Variants in PLPPR4 observed in about 807,000 individuals in gnomAD.
The protein encoded by PLPPR4 is phospholipid phosphatase related 4.
In PLPPR4, 24 loss-of-function variants were observed where a neutral mutation model predicts 56.6. The observed-to-expected ratio is 0.42, with a 90% CI of 0.31 to 0.60. The LOEUF (loss-of-function observed/expected upper bound fraction) is 0.60. Among genes scored for constraint, PLPPR4 ranks in the 20% least tolerant of loss-of-function variants. The probability of loss-of-function intolerance (pLI) is 0.13; values close to 1 mark genes in which losing one functional copy is unlikely to be tolerated. For synonymous variants in PLPPR4, 326 were observed against 328.1 expected (o/e 0.99, Z 0.07); for missense variants, 654 against 885.8 (o/e 0.74, Z 3.32).
chr1:99,280,590 A>G (rs1659298732), intron 1 of PLPPR4, among the ~76,000 whole-genome samples: 1 of 152,198 alleles, frequency 6.6e-6, no homozygotes, highest in Non-Finnish European at 1.5e-5. Flanking sequence ...AACTATAATC[A>G]AAGGCAGACT....
chr1:99,279,251 A>G (rs1293751085), intron 1 of PLPPR4, among the ~76,000 whole-genome samples: 2 of 152,172 alleles, frequency 1.3e-5, no homozygotes, highest in Admixed American at 6.6e-5. Context: ...TGATCTAGAC[A>G]TTCATCAGGA....
chr1:99,266,206 C>T (rs544297952), intron 1 of PLPPR4, among the ~76,000 whole-genome samples: 28 of 152,244 alleles, frequency 1.8e-4, no homozygotes, highest in South Asian at 1.0e-3. Flanking sequence ...ATGGCTAATC[C>T]GTGTAGTTTT....
chr1:99,278,597 C>T (rs559309818), intron 1 of PLPPR4, among the ~76,000 whole-genome samples: 13 of 152,224 alleles, frequency 8.5e-5, no homozygotes, highest in African/African-American at 3.1e-4. Flanking sequence ...GAATAAAATG[C>T]TTTCCAAGAC....
chr1:99,300,161 G>C (rs566031133), intron 4 of PLPPR4, among the ~76,000 whole-genome samples: 1 of 151,738 alleles, frequency 6.6e-6, no homozygotes, highest in African/African-American at 2.4e-5. Context: ...TGTTGAATGG[G>C]GATCTTGTTT....
Position 99,284,368 on chromosome 1 carries a change from T to A in PLPPR4, c.79-3597T>A, listed in dbSNP as rs536995769. ...TATAATGAATATAATGAAGATTTTA[T>A]ACAAATAACTATTACAAACAAAATG... On this transcript the variant is annotated intron_variant, in intron 1 of 6. Coordinates refer to ENST00000370185, the MANE Select transcript of PLPPR4 (RefSeq NM_014839.5). Among the ~76,000 whole-genome samples the A allele has an allele frequency of 4.6e-5, 7 of 152,274 alleles. No homozygotes were observed. In the South Asian group the frequency reaches 1.4e-3, roughly 32 times the overall value.
At chr1:99,264,714 C>T (rs1658847751) in intron 1 of PLPPR4, 43 bp downstream of exon 1, 1 of 1,542,356 alleles carries the variant, frequency 6.5e-7, no homozygotes, top group Non-Finnish European at 8.8e-7. Context: ...ATCCTCTGGG[C>T]ATCTCCTGAG....
rs538981028 is a variant in PLPPR4 at position 99,305,870 on chromosome 1, C to A, written c.1008C>A (p.Ser336Arg). Residue 336 changes from serine (S) to arginine (R), a missense_variant, in exon 7 of 7, where the codon AGC (serine) becomes AGA (arginine). Physicochemically the swap from Ser to Arg is moderately radical, Grantham distance 110. Around this residue, in one of 2 missense-constraint regions of PLPPR4, gnomAD observed 468 missense variants for 554.3 expected, o/e 0.84. Coordinates refer to ENST00000370185, the MANE Select transcript of PLPPR4 (RefSeq NM_014839.5). The stretch of plus-strand genomic sequence containing the variant: ...TCAACCGAAACCACAGAGATGCTAG[C>A]TCTCTGACAAATCTCAAAAGAGCAA... ...GILNRNHRDA[S>R]SLTNLKRANA... The A allele has an allele frequency of 3.7e-6, 6 of 1,614,018 alleles. No homozygotes were observed. In the South Asian group the frequency reaches 6.6e-5, roughly 18 times the overall value.
In PLPPR4 at chr1:99,307,186, G is replaced by A; in HGVS notation, c.*176G>A. On this transcript the variant is annotated 3_prime_UTR_variant, in exon 7 of 7. Transcript: ENST00000370185. ...ACTTGCAGATCTCACATCAAGGAGA[G>A]GGAAAAGCACAATGCAAGAACCTAA... 1 of 707,728 alleles carries A rather than the reference G, an allele frequency of 1.4e-6. No homozygotes were observed. The highest frequency in any genetic ancestry group is 2.3e-6 in the Non-Finnish European group (1 of 435,130). 43.8% of individuals were successfully genotyped at this position (707,728 alleles called of 1,614,324 possible). A position where few individuals can be genotyped will look rare whatever the true frequency, so the allele number is the denominator to read the frequency against.
At chr1:99,287,521 G>T (rs547006782) in intron 1 of PLPPR4, among the ~76,000 whole-genome samples, 1 of 152,234 alleles carries the variant, frequency 6.6e-6, no homozygotes, top group South Asian at 2.1e-4. Context: ...GTGTAAAAGC[G>T]TTTCTAGCTC....
intron 6 of PLPPR4, among the ~76,000 whole-genome samples, chr1:99,302,566 AAGTT>A (rs1659911840): frequency 6.6e-6 from 1 of 151,324 alleles, no homozygotes; most frequent in Non-Finnish European, 1.5e-5. Flanking sequence ...CACAATGTGC[AAGTT>A]AGTTACATAT....
intron 1 of PLPPR4, among the ~76,000 whole-genome samples, chr1:99,276,134 G>GTTATTTTGGGAT (rs1659180852): frequency 6.6e-6 from 1 of 152,036 alleles, no homozygotes; most frequent in Non-Finnish European, 1.5e-5. Context: ...AAATAACTAA[G>GTTATTTTGGGAT]GCCTTCAGCA....
At chr1:99,274,330 C>T (rs1190385746) in intron 1 of PLPPR4, among the ~76,000 whole-genome samples, 2 of 151,834 alleles carry the variant, frequency 1.3e-5, no homozygotes, top group African/African-American at 2.4e-5. Flanking sequence ...TAATCATATG[C>T]AAATTATAAA....
intron 6 of PLPPR4, among the ~76,000 whole-genome samples, chr1:99,302,366 C>G (rs1466867679): frequency 6.6e-6 from 1 of 151,970 alleles, no homozygotes; most frequent in South Asian, 2.1e-4. Context: ...AGGGAAATAT[C>G]CTCAGCATAA....
At chr1:99,276,585 C>G (rs1231550213) in intron 1 of PLPPR4, among the ~76,000 whole-genome samples, 1 of 151,772 alleles carries the variant, frequency 6.6e-6, no homozygotes, top group African/African-American at 2.4e-5. Context: ...TATGCTATAA[C>G]TCAAATACAA....
At chr1:99,263,907 T>C (rs1038770474), upstream of PLPPR4, 1 of 152,330 alleles carries the variant, frequency 6.6e-6, no homozygotes, top group African/African-American at 2.4e-5. Flanking sequence ...GGTGCTTCGA[T>C]ATGGAAGGGA....
Position 99,265,629 on chromosome 1 carries a change from A to G in PLPPR4, c.78+958A>G, listed in dbSNP as rs112397390. ...GCACAAAACTATATTCTGTTTAGTT[A>G]GAGTCTGGGTTGCATAGAGAATTAT... On this transcript the variant is annotated intron_variant, in intron 1 of 6. Transcript: ENST00000370185. Among the ~76,000 whole-genome samples, 359 of 152,354 alleles carry G rather than the reference A, an allele frequency of 2.4e-3. 1 individual carries two copies. The highest frequency in any genetic ancestry group is 7.5e-3 in the African/African-American group (312 of 41,580).
rs955133270 is a variant in PLPPR4 at position 99,309,326 on chromosome 1, C to A, written c.*2316C>A. The A allele has an allele frequency of 3.3e-5, 5 of 152,278 alleles. No homozygotes were observed. The highest frequency in any genetic ancestry group is 7.4e-5 in the Non-Finnish European group (5 of 67,962). The allele number at this position is 152,278 out of a possible 1,614,324, so 9.4% of individuals were successfully genotyped here. A position where few individuals can be genotyped will look rare whatever the true frequency, so the allele number is the denominator to read the frequency against. ...TTATTTGCTAATGGGAGCACTTCTT[C>A]CTTTGTTAGGCTGTGCTTTACTGAT... On this transcript the variant is annotated 3_prime_UTR_variant, in exon 7 of 7. Coordinates refer to ENST00000370185, the MANE Select transcript of PLPPR4 (RefSeq NM_014839.5).
chr1:99,306,479 T>C lies in PLPPR4; in HGVS notation c.1617T>C (p.Gly539=). The C allele has an allele frequency of 6.2e-7, 1 of 1,613,996 alleles. No homozygotes were observed. Among genetic ancestry groups the C allele is most frequent in the Non-Finnish European group, 8.5e-7 (1 of 1,179,990 alleles). ...MQVIAMSKQQ[G]VLQSSPKNTE... is the part of the protein sequence containing the mutation. ...TCATAGCCATGTCCAAGCAGCAGGG[T>C]GTCCTCCAAAGCAGCCCCAAGAACA... The change falls in exon 7 of 7, where the codon GGT becomes GGC. Residue 539 remains glycine, a synonymous_variant. Transcript: ENST00000370185. The surrounding 1 kb of genome is among the most constrained non-coding windows in gnomAD (Gnocchi z 4.0).
intron 1 of PLPPR4, among the ~76,000 whole-genome samples, chr1:99,285,842 T>C: frequency 6.6e-6 from 1 of 152,170 alleles, no homozygotes; most frequent in East Asian, 1.9e-4. Context: ...AACTAAGCAG[T>C]TCTTTGAGTG....
Sources: allele counts gnomAD v4.1 joint callset (sites outside exome capture counted in the v4.1 genomes callset), GRCh38; gene constraint gnomAD v4.1.1; regional missense constraint gnomAD v4.1.1; non-coding constraint Gnocchi (gnomAD v3.1); transcripts MANE v1.5; gene names NCBI Gene and HGNC (gene_info 2026-07-23, HGNC 2026-07-21).